MRPS5: variants seen among roughly 807,000 people sequenced by gnomAD.
MRPS5 encodes the protein small ribosomal subunit protein uS5m.
In MRPS5, 27 loss-of-function variants were observed where a neutral mutation model predicts 51.9. The observed-to-expected ratio is 0.52, with a 90% CI of 0.38 to 0.72. The LOEUF (loss-of-function observed/expected upper bound fraction) is 0.72. Among genes scored for constraint, MRPS5 ranks in the 30% least tolerant of loss-of-function variants. The pLI, the probability that MRPS5 is intolerant of heterozygous loss-of-function variation, is 0.00. For synonymous variants in MRPS5, 196 were observed against 193.2 expected, an observed-to-expected ratio of 1.01 and a Z score of -0.12; for missense variants, 570 against 545.7, an observed-to-expected ratio of 1.04 and a Z score of -0.44.
In MRPS5 at chr2:95,087,572, G is replaced by T. The variant is rs1558672861; in HGVS notation, c.1078C>A (p.Gln360Lys). 6.2e-6 allele frequency: 10 copies of T among 1,613,052 alleles called. No individual in the cohort carries two copies. Among genetic ancestry groups the T allele is most frequent in the Non-Finnish European group, 8.5e-6 (10 of 1,179,446 alleles). The change falls in exon 12 of 12, where the codon CAA (glutamine) becomes AAA (lysine). Residue 360 changes from glutamine to lysine, a missense_variant. By Grantham distance (53) the Gln-to-Lys change is moderately conservative (BLOSUM62 1). Transcript: ENST00000272418. ...FRGLSRQETH[Q>K]QLADKKGLHV... The stretch of plus-strand genomic sequence containing the variant: ...AGGCCCTTCTTATCAGCCAGCTGTT[G>T]ATGGGTTTCCTAAGCAAGACCAAAT...
At chr2:95,098,083 C>G (rs1347775031) in intron 10 of MRPS5, among the ~76,000 whole-genome samples, 1 of 152,178 alleles carries the variant, frequency 6.6e-6, no homozygotes, top group African/African-American at 2.4e-5. Flanking sequence ...ATGCAGCCAA[C>G]AGACACATGA....
At chr2:95,097,833 C>A (rs528527967) in intron 10 of MRPS5, among the ~76,000 whole-genome samples, 1 of 152,226 alleles carries the variant, frequency 6.6e-6, no homozygotes, top group South Asian at 2.1e-4. Context: ...GCAACAAAAG[C>A]CAAAATTGAC....
chr2:95,088,795 G>A (rs1198006572), intron 11 of MRPS5, among the ~76,000 whole-genome samples: 5 of 152,248 alleles, frequency 3.3e-5, no homozygotes, highest in African/African-American at 9.6e-5. Flanking sequence ...TAGGCTGGGC[G>A]CGGTGGCTCA....
intron 5 of MRPS5, chr2:95,106,682 C>G: frequency 1.7e-6 from 1 of 573,288 alleles, no homozygotes; most frequent in Non-Finnish European, 3.1e-6. Flanking sequence ...CACCCTCCTC[C>G]CCATCCATCT....
chr2:95,088,001 C>G (rs568800338), intron 11 of MRPS5, among the ~76,000 whole-genome samples: 36 of 118,640 alleles, frequency 3.0e-4, no homozygotes, highest in African/African-American at 8.7e-4. Flanking sequence ...AACAAACAAC[C>G]TGGTTTCCTC....
At chr2:95,090,122 A>C (rs1004943952) in intron 11 of MRPS5, among the ~76,000 whole-genome samples, 2 of 138,350 alleles carry the variant, frequency 1.4e-5, no homozygotes, top group African/African-American at 5.4e-5. Flanking sequence ...GCTTGCAGTG[A>C]GCCGGGATCC....
chr2:95,110,090 T>C (rs1676073817), intron 3 of MRPS5, 49 bp from the exon 4 acceptor site: 5 of 1,591,092 alleles, frequency 3.1e-6, no homozygotes, highest in Non-Finnish European at 4.3e-6. Flanking sequence ...TTTCAAGCAA[T>C]GGTCTATGAT....
intron 6 of MRPS5, among the ~76,000 whole-genome samples, chr2:95,105,994 ACCATTTCC>A (rs1166396077): frequency 1.3e-5 from 2 of 152,142 alleles, no homozygotes; most frequent in African/African-American, 4.8e-5. Flanking sequence ...CAACCCAGAG[ACCATTTCC>A]CCATCAAGAA....
At chr2:95,119,639 T>G (rs1200635234) in intron 1 of MRPS5, among the ~76,000 whole-genome samples, 2 of 148,260 alleles carry the variant, frequency 1.3e-5, no homozygotes, top group Non-Finnish European at 3.0e-5. Context: ...CCACATCCAC[T>G]AAGATGGCTA....
rs558321895 is a variant in MRPS5 at position 95,085,437 on chromosome 2, G to C, written c.*1920C>G. On this transcript the variant is annotated 3_prime_UTR_variant, in exon 12 of 12. Coordinates refer to ENST00000272418, the MANE Select transcript of MRPS5 (RefSeq NM_031902.5). ...AAGTTCATTGTCTTTATATTTGTTA[G>C]GTACTTAAGAAGGAAAACTAACAGG... 6.6e-6 allele frequency among the ~76,000 whole-genome samples: 1 copy of C among 152,054 alleles called. No individual in the cohort carries two copies. The highest frequency in any genetic ancestry group is 1.5e-5 in the Non-Finnish European group (1 of 68,012).
At chr2:95,120,044 C>A (rs1266492279) in intron 1 of MRPS5, among the ~76,000 whole-genome samples, 1 of 152,176 alleles carries the variant, frequency 6.6e-6, no homozygotes, top group Non-Finnish European at 1.5e-5. Flanking sequence ...GCCAGGGCGA[C>A]AGAAGGGGGT....
intron 3 of MRPS5, among the ~76,000 whole-genome samples, chr2:95,110,396 A>G (rs980416861): frequency 1.3e-5 from 2 of 152,242 alleles, no homozygotes; most frequent in African/African-American, 4.8e-5. Flanking sequence ...TGCCTCCATT[A>G]TAACCACTAA....
intron 5 of MRPS5, 140 bp from the exon 6 acceptor site, chr2:95,106,597 C>G: frequency 1.4e-6 from 1 of 697,930 alleles, no homozygotes; most frequent in Non-Finnish European, 2.6e-6. Context: ...CAAGGCCATG[C>G]CCCAGTCACC....
At chr2:95,092,524 G>A (rs1224484514) in intron 10 of MRPS5, 1 of 152,104 alleles carries the variant, frequency 6.6e-6, no homozygotes, top group African/African-American at 2.4e-5. Context: ...ATTTGTACAC[G>A]TATGTACAAA....
intron 7 of MRPS5, among the ~76,000 whole-genome samples, chr2:95,103,052 C>G (rs2104410405): frequency 6.6e-6 from 1 of 152,298 alleles, no homozygotes; most frequent in East Asian, 1.9e-4. Context: ...GGGAAACTTA[C>G]TAACATTTAC....
chr2:95,106,790 C>T (rs561251957), intron 5 of MRPS5: 205 of 365,634 alleles, frequency 5.6e-4, no homozygotes, highest in Non-Finnish European at 9.8e-4. Flanking sequence ...ACACCACAGT[C>T]CATCATTTCC....
At chr2:95,098,403 C>A (rs1458305108) in intron 10 of MRPS5, among the ~76,000 whole-genome samples, 1 of 152,106 alleles carries the variant, frequency 6.6e-6, no homozygotes, top group Non-Finnish European at 1.5e-5. Context: ...ATGTTTATTG[C>A]GGCACTATTC....
At chr2:95,088,727 A>G (rs1675371469) in intron 11 of MRPS5, among the ~76,000 whole-genome samples, 1 of 152,236 alleles carries the variant, frequency 6.6e-6, no homozygotes, top group African/African-American at 2.4e-5. Flanking sequence ...TATGGTAACT[A>G]TATCAGAAGG....
chr2:95,114,980 A>T (rs1260014808), intron 3 of MRPS5, 86 bp downstream of exon 3: 1 of 1,239,180 alleles, frequency 8.1e-7, no homozygotes, highest in Non-Finnish European at 1.1e-6. Flanking sequence ...TAAAATCTTA[A>T]TTCATGTAAA....
Sources: gnomAD v4.1 joint callset for allele counts (sites outside exome capture counted in the v4.1 genomes callset) on GRCh38, gnomAD v4.1.1 for gene constraint, MANE v1.5 for transcripts, NCBI Gene and HGNC (gene_info 2026-07-23, HGNC 2026-07-21) for gene names.